Variants in ROBO2 observed in about 807,000 individuals in gnomAD.
ROBO2 encodes roundabout homolog 2.
ROBO2 carries 53 observed loss-of-function variants against 160.8 expected under a neutral mutation model. The observed-to-expected ratio is 0.33, with a 90% CI of 0.26 to 0.41. The LOEUF (loss-of-function observed/expected upper bound fraction) is 0.41. ROBO2 is among the 10% of genes least tolerant of loss of function. ROBO2 has a pLI of 1.00. For missense variants in ROBO2, 1,577 were observed against 1,722.4 expected (o/e 0.92, Z 1.49); for synonymous variants, 664 against 611.7 (o/e 1.09, Z -1.26).
At chr3:77,609,498 T>G (rs962574786) in intron 21 of ROBO2, among the ~76,000 whole-genome samples, 7 of 151,974 alleles carry the variant, frequency 4.6e-5, no homozygotes, top group Admixed American at 4.6e-4. Context: ...ATGCATAAAG[T>G]CTTGAACTCA....
At chr3:77,495,456 C>T (rs1269341952) in intron 5 of ROBO2, among the ~76,000 whole-genome samples, 1 of 152,148 alleles carries the variant, frequency 6.6e-6, no homozygotes, top group Non-Finnish European at 1.5e-5. Context: ...CCCAGGTTTT[C>T]ATCATTGTCC....
rs554332385 is a variant in ROBO2, at chr3:77,642,354, T to C, written c.3935-2350T>C. Among the ~76,000 whole-genome samples the C allele has an allele frequency of 3.9e-5, 6 of 152,150 alleles. No homozygotes were observed. The South Asian group carries it at 1.2e-3, about 32-fold the overall frequency. On this transcript the variant is annotated intron_variant, in intron 24 of 25. Transcript: ENST00000461745. ...GTATTTCTACTTTGGGGAAGGAGGG[T>C]TGGACAATGGATGGAATATAAACAA...
At chr3:77,599,684 A>G (rs1051720425) in intron 19 of ROBO2, among the ~76,000 whole-genome samples, 3 of 152,164 alleles carry the variant, frequency 2.0e-5, no homozygotes, top group Non-Finnish European at 4.4e-5. Flanking sequence ...ATTTGGCAAA[A>G]AAAAGAATGA....
chr3:77,313,877 C>T (rs879635644), intron 2 of ROBO2, among the ~76,000 whole-genome samples: 3 of 152,154 alleles, frequency 2.0e-5, no homozygotes, highest in East Asian at 1.9e-4. Context: ...AGCCACCGCC[C>T]CTGGCCAGGA....
At chr3:76,549,819 C>G (rs1578078070) in intron 2 of ROBO2, among the ~76,000 whole-genome samples, 2 of 152,302 alleles carry the variant, frequency 1.3e-5, no homozygotes, top group East Asian at 3.9e-4. Flanking sequence ...TGTGGCCTGT[C>G]TGTTTATCTG....
At chr3:76,813,871 G>T (rs1248358160) in intron 2 of ROBO2, among the ~76,000 whole-genome samples, 1 of 152,016 alleles carries the variant, frequency 6.6e-6, no homozygotes, top group Non-Finnish European at 1.5e-5. Context: ...ATGTAAACAT[G>T]TTTAAAAGAT....
At chr3:76,270,463 G>A (rs1707364338) in intron 2 of ROBO2, among the ~76,000 whole-genome samples, 2 of 151,966 alleles carry the variant, frequency 1.3e-5, no homozygotes, top group Admixed American at 6.6e-5. Context: ...ACTCATAATA[G>A]ACTACGATGT....
At chr3:76,100,249 T>C (rs2069629222) in intron 2 of ROBO2, among the ~76,000 whole-genome samples, 1 of 152,214 alleles carries the variant, frequency 6.6e-6, no homozygotes, top group South Asian at 2.1e-4. Flanking sequence ...AAGAAAAATA[T>C]TGTGATTGAT....
intron 2 of ROBO2, among the ~76,000 whole-genome samples, chr3:76,832,532 T>C (rs1146020): frequency 0.26 from 38,858 of 152,030 alleles, 5,341 homozygotes; most frequent in East Asian, 0.45. Flanking sequence ...AATGCTCCCT[T>C]GAGAAAGGGA....
intron 2 of ROBO2, among the ~76,000 whole-genome samples, chr3:76,154,266 G>A (rs1006967850): frequency 4.6e-5 from 7 of 152,108 alleles, no homozygotes; most frequent in African/African-American, 1.4e-4. Context: ...CTTCATCTTT[G>A]AAGAAAAAGC....
intron 2 of ROBO2, among the ~76,000 whole-genome samples, chr3:76,023,302 T>A (rs1166913448): frequency 6.6e-6 from 1 of 151,752 alleles, no homozygotes; most frequent in African/African-American, 2.4e-5. Flanking sequence ...GTAAGTTGGC[T>A]GTTATAAGAG....
At chr3:77,051,263 A>C (rs1471957365) in intron 1 of ROBO2, among the ~76,000 whole-genome samples, 3 of 152,178 alleles carry the variant, frequency 2.0e-5, no homozygotes, top group African/African-American at 7.2e-5. Context: ...AAGTGAAAGA[A>C]AAAAGAATCA....
intron 2 of ROBO2, among the ~76,000 whole-genome samples, chr3:76,002,364 G>A (rs777471119): frequency 1.3e-5 from 2 of 152,090 alleles, no homozygotes; most frequent in East Asian, 1.9e-4. Context: ...TGTAGCTCCC[G>A]TAACTCCCGT....
rs142483459 is a variant in ROBO2 at position 77,454,393 on chromosome 3, C to T, written c.389-23021C>T. ...CTGTCGTAGTCATATAGGTCATGCC[C>T]TTATGCTAAATCCCTGACTCATTTG... On this transcript the variant is annotated intron_variant, in intron 2 of 25. Coordinates refer to ENST00000461745, the Ensembl canonical transcript of ROBO2. Among the ~76,000 whole-genome samples, 6 of 152,184 alleles carry T rather than the reference C, an allele frequency of 3.9e-5. No homozygotes were observed. The East Asian group carries it at 1.2e-3, about 29-fold the overall frequency.
chr3:75,983,127 G>A (rs181674357), intron 2 of ROBO2, among the ~76,000 whole-genome samples: 28 of 151,500 alleles, frequency 1.8e-4, no homozygotes, highest in Non-Finnish European at 3.0e-4. Flanking sequence ...GAAAGCTTAA[G>A]TGTACAGTAG....
intron 2 of ROBO2, among the ~76,000 whole-genome samples, chr3:77,309,695 G>A (rs564309787): frequency 2.6e-5 from 4 of 152,328 alleles, no homozygotes; most frequent in African/African-American, 4.8e-5. Context: ...TGTCTGCAAA[G>A]GCAAAACATC....
Position 76,961,899 on chromosome 3 carries a change from G to T in ROBO2, c.110-136115G>T, listed in dbSNP as rs72900186. Among the ~76,000 whole-genome samples, 1,053 of 152,164 alleles carry T rather than the reference G, an allele frequency of 6.9e-3. 11 individuals carry two copies. Among genetic ancestry groups the T allele is most frequent in the African/African-American group, 0.024 (987 of 41,490 alleles). On this transcript the variant is annotated intron_variant, in intron 2 of 26. Transcript: ENST00000487694. ...GATTCATTCTTTGTCAACATAACTC[G>T]ATTTAAAATGTGAAATACGCCTGGT... is the stretch of plus-strand genomic sequence containing the variant.
intron 4 of ROBO2, among the ~76,000 whole-genome samples, chr3:77,491,468 T>C (rs555203936): frequency 6.6e-6 from 1 of 152,190 alleles, no homozygotes; most frequent in African/African-American, 2.4e-5. Context: ...TTTTTACTAT[T>C]AGCATTTGGG....
At chr3:76,708,486 C>A (rs1198869369) in intron 2 of ROBO2, among the ~76,000 whole-genome samples, 1 of 152,138 alleles carries the variant, frequency 6.6e-6, no homozygotes, top group Non-Finnish European at 1.5e-5. Context: ...CTTGAATCAT[C>A]TGAATTATTT....
Sources: allele counts gnomAD v4.1 joint callset (sites outside exome capture counted in the v4.1 genomes callset), GRCh38; gene constraint gnomAD v4.1.1; transcripts MANE v1.5; gene names NCBI Gene and HGNC (gene_info 2026-07-23, HGNC 2026-07-21).